WDR5: variants seen among roughly 807,000 people sequenced by gnomAD.
The protein encoded by WDR5 is WD repeat-containing protein 5.
For synonymous variants in WDR5, 144 were observed against 161.6 expected (o/e 0.89, Z 0.83); for missense variants, 187 against 416.9 (o/e 0.45, Z 4.80).
chr9:134,150,402 A>G (rs1391372760), intron 8 of WDR5, among the ~76,000 whole-genome samples: 1 of 152,186 alleles, frequency 6.6e-6, no homozygotes, highest in Non-Finnish European at 1.5e-5. Flanking sequence ...CCAGCAGCCA[A>G]CCCTTCAGCA....
chr9:134,136,823 C>T (rs1831586958), intron 1 of WDR5, among the ~76,000 whole-genome samples: 1 of 152,214 alleles, frequency 6.6e-6, no homozygotes, highest in South Asian at 2.1e-4. Flanking sequence ...CCTGTTACAT[C>T]GCTAACGACA....
intron 3 of WDR5, 122 bp downstream of exon 3, chr9:134,140,933 G>A (rs970725743): frequency 3.4e-6 from 3 of 886,644 alleles, no homozygotes; most frequent in Non-Finnish European, 5.5e-6. Flanking sequence ...CCGCTGGGGG[G>A]CACGTAGCAG....
chr9:134,145,436 G>C (rs941761422), intron 7 of WDR5, among the ~76,000 whole-genome samples: 1 of 152,158 alleles, frequency 6.6e-6, no homozygotes, highest in African/African-American at 2.4e-5. Flanking sequence ...CTATGCCCTT[G>C]GATTGCTGGT....
At chr9:134,143,489 C>G (rs967893672) in intron 7 of WDR5, among the ~76,000 whole-genome samples, 1 of 150,114 alleles carries the variant, frequency 6.7e-6, no homozygotes, top group Non-Finnish European at 1.5e-5. Context: ...TGCAGTGAGC[C>G]GAGATCGCAC....
In WDR5 at chr9:134,140,849, G is replaced by A. The variant is rs746300458; in HGVS notation, c.190+38G>A. Reference sequence around the variant, plus strand: ...GAGGCCCTTAGCTGCTGGGAGAGGCGGTCTGAGCTGCAGACAAAAAGCTGG... The same window carrying A: ...GAGGCCCTTAGCTGCTGGGAGAGGCAGTCTGAGCTGCAGACAAAAAGCTGG... On this transcript the variant is annotated intron_variant, in intron 3 of 13. Coordinates refer to ENST00000358625, the MANE Select transcript of WDR5 (RefSeq NM_017588.3). 3.1e-5 allele frequency: 49 copies of A among 1,585,702 alleles called. No homozygotes were observed. The East Asian group carries it at 3.4e-4, about 11-fold the overall frequency.
chr9:134,150,905 G>A (rs1832455825), intron 8 of WDR5, among the ~76,000 whole-genome samples: 1 of 152,170 alleles, frequency 6.6e-6, no homozygotes, highest in African/African-American at 2.4e-5. Flanking sequence ...TGGGGAAAAT[G>A]TTTCCATTTT....
At chr9:134,153,522 C>T (rs1204157822) in intron 9 of WDR5, among the ~76,000 whole-genome samples, 1 of 152,266 alleles carries the variant, frequency 6.6e-6, no homozygotes, top group Non-Finnish European at 1.5e-5. Context: ...CCCCCCGGCC[C>T]TCACTGTGAC....
chr9:134,145,105 T>TTTTG (rs1832117267), intron 7 of WDR5, among the ~76,000 whole-genome samples: 1 of 128,956 alleles, frequency 7.8e-6, no homozygotes, highest in East Asian at 2.0e-4. Context: ...TGTTTTTTTT[T>TTTTG]TTTTTTTTTT....
intron 1 of WDR5, among the ~76,000 whole-genome samples, chr9:134,137,691 A>G (rs916795839): frequency 6.6e-5 from 10 of 151,510 alleles, no homozygotes; most frequent in African/African-American, 2.4e-4. Context: ...AAACAAAAAA[A>G]AAACACGCCA....
upstream of WDR5, chr9:134,135,969 G>C (rs1831514957): frequency 6.6e-6 from 1 of 152,102 alleles, no homozygotes; most frequent in South Asian, 2.1e-4. Context: ...CGTTGGGCCG[G>C]CCCGAGGCAT....
chr9:134,150,521 T>TC (rs200900933), intron 8 of WDR5, among the ~76,000 whole-genome samples: 2,711 of 152,310 alleles, frequency 0.018, 78 homozygotes, highest in African/African-American at 0.062. Context: ...TGTGCTTGGT[T>TC]CCCATGTTAC....
At chr9:134,153,385 G>A (rs891144835) in intron 9 of WDR5, among the ~76,000 whole-genome samples, 2 of 152,218 alleles carry the variant, frequency 1.3e-5, no homozygotes, top group Non-Finnish European at 1.5e-5. Flanking sequence ...CAGGTCTAGC[G>A]AGTTAGACCC....
intron 12 of WDR5, 97 bp downstream of exon 12, chr9:134,155,864 T>A: frequency 9.1e-7 from 1 of 1,103,498 alleles, no homozygotes; most frequent in African/African-American, 1.6e-5. Flanking sequence ...GAGACACTTT[T>A]CTGTGCCCAC....
intron 9 of WDR5, among the ~76,000 whole-genome samples, chr9:134,153,727 G>A (rs962600024): frequency 3.9e-5 from 6 of 151,968 alleles, no homozygotes; most frequent in South Asian, 2.1e-4. Context: ...ACACACCAGC[G>A]CGTGCACGTG....
intron 7 of WDR5, among the ~76,000 whole-genome samples, chr9:134,147,414 C>T (rs1175323146): frequency 6.6e-6 from 1 of 152,170 alleles, no homozygotes; most frequent in African/African-American, 2.4e-5. Flanking sequence ...GGATTTGCCT[C>T]TGGGGACACA....
intron 9 of WDR5, among the ~76,000 whole-genome samples, chr9:134,153,257 C>G (rs908041743): frequency 6.6e-6 from 1 of 152,224 alleles, no homozygotes; most frequent in African/African-American, 2.4e-5. Flanking sequence ...GGCTCATTCA[C>G]TAGCCCAAAG....
At chr9:134,142,151 A>G (rs1831924870) in intron 5 of WDR5, 113 bp downstream of exon 5, 1 of 733,024 alleles carries the variant, frequency 1.4e-6, no homozygotes, top group African/African-American at 1.9e-5. Flanking sequence ...CTCTCCAGGG[A>G]AGACTGGCTG....
At chr9:134,145,092 C>CTTTTT (rs1564191284) in intron 7 of WDR5, among the ~76,000 whole-genome samples, 3 of 56,838 alleles carry the variant, frequency 5.3e-5, no homozygotes, top group Non-Finnish European at 8.0e-5. Context: ...GTTTGTGGGG[C>CTTTTT]TTTGTTTTTT....
chr9:134,146,554 G>C (rs1203426971), intron 7 of WDR5, among the ~76,000 whole-genome samples: 1 of 152,134 alleles, frequency 6.6e-6, no homozygotes, highest in Admixed American at 6.6e-5. Flanking sequence ...CTACCTCCTC[G>C]AAGTTAACTT....
Sources: gnomAD v4.1 joint callset for allele counts (sites outside exome capture counted in the v4.1 genomes callset) on GRCh38, gnomAD v4.1.1 for gene constraint, MANE v1.5 for transcripts, NCBI Gene and HGNC (gene_info 2026-07-23, HGNC 2026-07-21) for gene names.